SOX5: variants seen among roughly 807,000 people sequenced by gnomAD.
SOX5 encodes the protein SRY-box transcription factor 5, also known as transcription factor SOX-5.
Under a neutral mutation model 92.0 loss-of-function variants are expected in SOX5, and 9 were observed. That is an observed-to-expected ratio of 0.10 (90% CI 0.06 to 0.17). The LOEUF (loss-of-function observed/expected upper bound fraction) is 0.17. Ranked by LOEUF, SOX5 falls within the 10% of genes least tolerant of loss-of-function variation. The pLI is 1.00. For synonymous variants in SOX5, 344 were observed against 336.3 expected (o/e 1.02, Z -0.25); for missense variants, 642 against 944.5 (o/e 0.68, Z 4.20).
At chr12:24,541,203 C>T (rs1952096442) in intron 1 of SOX5, among the ~76,000 whole-genome samples, 1 of 152,326 alleles carries the variant, frequency 6.6e-6, no homozygotes, top group African/African-American at 2.4e-5. Context: ...TGCACCAGAA[C>T]ACTAATGTAT....
chr12:23,626,716 T>C (rs1592710566), intron 8 of SOX5, among the ~76,000 whole-genome samples: 1 of 144,922 alleles, frequency 6.9e-6, no homozygotes, highest in African/African-American at 2.6e-5. Flanking sequence ...CCATGAGATA[T>C]AGGTAGATAG....
At chr12:24,173,746 A>G (rs1954467290) in intron 4 of SOX5, among the ~76,000 whole-genome samples, 1 of 152,172 alleles carries the variant, frequency 6.6e-6, no homozygotes, top group South Asian at 2.1e-4. Context: ...ATAAATTAGA[A>G]TTTCTGGGTG....
rs536939214 is a variant in SOX5, at chr12:24,276,437, A to G, written c.-77+779T>C. Among the ~76,000 whole-genome samples, 7 of 152,306 alleles carry G rather than the reference A, an allele frequency of 4.6e-5. No individual in the cohort carries two copies. In the East Asian group the frequency reaches 9.6e-4, roughly 21 times the overall value. On this transcript the variant is annotated intron_variant, in intron 3 of 4. Transcript: ENST00000446891. ...TAAATGAGCTTTAAGTCATTATGCAAGATGAACAGTGTTTCATTATTCTTT... is the reference window on the plus strand; with the variant it reads ...TAAATGAGCTTTAAGTCATTATGCAGGATGAACAGTGTTTCATTATTCTTT...
At chr12:24,237,650 T>C (rs1964770212) in intron 3 of SOX5, among the ~76,000 whole-genome samples, 1 of 152,128 alleles carries the variant, frequency 6.6e-6, no homozygotes, top group African/African-American at 2.4e-5. Flanking sequence ...ATATTTGAAC[T>C]AGTCAAGTTG....
At chr12:24,157,423 G>T (rs1952298312) in intron 4 of SOX5, among the ~76,000 whole-genome samples, 1 of 152,020 alleles carries the variant, frequency 6.6e-6, no homozygotes, top group African/African-American at 2.4e-5. Flanking sequence ...TTAAACAAAT[G>T]CAGAGAAACA....
chr12:23,757,642 T>C (rs76704166), intron 3 of SOX5, among the ~76,000 whole-genome samples: 22 of 152,030 alleles, frequency 1.4e-4, no homozygotes, highest in African/African-American at 5.1e-4. Context: ...GTATTTGCAA[T>C]AGAGTACTGT....
At chr12:23,734,066 G>C (rs567533653) in intron 6 of SOX5, among the ~76,000 whole-genome samples, 20 of 152,138 alleles carry the variant, frequency 1.3e-4, no homozygotes, top group African/African-American at 4.6e-4. Context: ...AGCAAGTTGT[G>C]GAAACAAGAC....
chr12:24,092,616 C>T (rs906615418), intron 4 of SOX5, among the ~76,000 whole-genome samples: 10 of 152,288 alleles, frequency 6.6e-5, no homozygotes, highest in African/African-American at 2.4e-4. Flanking sequence ...TTTACTAATA[C>T]TGATGCATCT....
chr12:24,507,321 T>C (rs1400515773), intron 1 of SOX5, among the ~76,000 whole-genome samples: 1 of 151,770 alleles, frequency 6.6e-6, no homozygotes, highest in Non-Finnish European at 1.5e-5. Flanking sequence ...GATGGATGGA[T>C]AGACTATGGA....
At chr12:24,084,662 G>C (rs1160726082) in intron 4 of SOX5, among the ~76,000 whole-genome samples, 2 of 151,952 alleles carry the variant, frequency 1.3e-5, no homozygotes, top group Non-Finnish European at 2.9e-5. Context: ...CTTTGCTCTT[G>C]TTATCAGCTG....
intron 3 of SOX5, among the ~76,000 whole-genome samples, chr12:24,215,565 T>C (rs1015412272): frequency 3.3e-5 from 5 of 152,060 alleles, no homozygotes; most frequent in Admixed American, 6.5e-5. Context: ...GGCTTGTGAA[T>C]CACAAACTAT....
At chr12:23,557,600 T>C (rs1945405617) in intron 11 of SOX5, among the ~76,000 whole-genome samples, 1 of 152,178 alleles carries the variant, frequency 6.6e-6, no homozygotes, top group South Asian at 2.1e-4. Flanking sequence ...GTTTATAGAT[T>C]TAACCTGTTA....
chr12:23,979,725 TTTTTTTTTTG>T, intron 4 of SOX5, among the ~76,000 whole-genome samples: 1 of 121,972 alleles, frequency 8.2e-6, no homozygotes, highest in Non-Finnish European at 1.7e-5. Flanking sequence ...TTTTTTTTTT[TTTTTTTTTTG>T]GAGACAGGGC....
At chr12:23,902,198 G>A (rs2097241617) in intron 1 of SOX5, among the ~76,000 whole-genome samples, 1 of 151,926 alleles carries the variant, frequency 6.6e-6, no homozygotes, top group South Asian at 2.1e-4. Context: ...CAATTATTCT[G>A]GAAAATGACA....
chr12:23,733,601 G>C (rs2093473922), intron 6 of SOX5, among the ~76,000 whole-genome samples: 2 of 152,092 alleles, frequency 1.3e-5, no homozygotes, highest in African/African-American at 4.8e-5. Context: ...AACAGTGATA[G>C]GTCTGCTAAA....
At chr12:23,535,043 T>C (rs1038992049) in intron 14 of SOX5, among the ~76,000 whole-genome samples, 3 of 152,128 alleles carry the variant, frequency 2.0e-5, no homozygotes, top group Non-Finnish European at 4.4e-5. Context: ...CTTTATAGAG[T>C]ACAAGATATT....
chr12:23,852,887 G>C (rs1484526278), intron 2 of SOX5, among the ~76,000 whole-genome samples: 7 of 151,954 alleles, frequency 4.6e-5, no homozygotes, highest in African/African-American at 1.7e-4. Context: ...TTCCATGTGA[G>C]ACTGAAGTTT....
At chr12:24,050,153 C>T (rs1465258340) in intron 4 of SOX5, among the ~76,000 whole-genome samples, 1 of 143,380 alleles carries the variant, frequency 7.0e-6, no homozygotes, top group African/African-American at 2.6e-5. Context: ...TGTATATGAT[C>T]ATTACAAACG....
At chr12:23,872,091 G>A (rs1156766364) in intron 2 of SOX5, among the ~76,000 whole-genome samples, 8 of 148,686 alleles carry the variant, frequency 5.4e-5, no homozygotes, top group South Asian at 2.1e-4. Flanking sequence ...TCCGCCTCCC[G>A]GGTTCACGCC....
Sources: allele counts gnomAD v4.1 joint callset (sites outside exome capture counted in the v4.1 genomes callset), GRCh38; gene constraint gnomAD v4.1.1; transcripts MANE v1.5; gene names NCBI Gene and HGNC (gene_info 2026-07-23, HGNC 2026-07-21).